Variants in SEPTIN9 observed in about 807,000 individuals in gnomAD.
The protein encoded by SEPTIN9 is septin 9.
Under a neutral mutation model 56.6 loss-of-function variants are expected in SEPTIN9, and 13 were observed. The observed-to-expected ratio is 0.23, with a 90% CI of 0.15 to 0.37. SEPTIN9 has a LOEUF of 0.37. Ranked by LOEUF, SEPTIN9 falls within the 10% of genes least tolerant of loss-of-function variation. SEPTIN9 has a pLI of 1.00. For synonymous variants in SEPTIN9, 332 were observed against 334.1 expected (o/e 0.99, Z 0.07); for missense variants, 650 against 823.1 (o/e 0.79, Z 2.57).
At chr17:77,468,181 C>T (rs2038831972) in intron 3 of SEPTIN9, among the ~76,000 whole-genome samples, 2 of 152,156 alleles carry the variant, frequency 1.3e-5, no homozygotes, top group Non-Finnish European at 2.9e-5. Context: ...AGGAGAATGG[C>T]GTGAACCCGG....
In SEPTIN9 at chr17:77,402,050, A is replaced by G. The variant is rs762895216; in HGVS notation, c.77-9A>G. 5.6e-6 allele frequency: 9 copies of G among 1,607,176 alleles called. No individual in the cohort carries two copies. In the Admixed American group the frequency reaches 1.5e-4, roughly 27 times the overall value. ...TTCACCAATTGCATCCCCTCTCTTTATTTTTCAGCCTTGAAAAGATCTTTT... is the reference window on the plus strand; with the variant it reads ...TTCACCAATTGCATCCCCTCTCTTTGTTTTTCAGCCTTGAAAAGATCTTTT... On this transcript the variant is annotated splice_polypyrimidine_tract_variant and intron_variant, in intron 2 of 11. Transcript: ENST00000427177. This position sits in a 1 kb window ranked among gnomAD's most constrained non-coding sequence, Gnocchi z 6.6.
chr17:77,473,698 C>A (rs1428992768), intron 3 of SEPTIN9, among the ~76,000 whole-genome samples: 1 of 152,188 alleles, frequency 6.6e-6, no homozygotes, highest in African/African-American at 2.4e-5. Flanking sequence ...AAGACTGCTT[C>A]AAATCTGTCC....
chr17:77,481,986 C>G (rs1216912256), intron 3 of SEPTIN9, 158 bp from the exon 4 acceptor site: 1 of 669,924 alleles, frequency 1.5e-6, no homozygotes, highest in Non-Finnish European at 2.5e-6. Context: ...GGACATCCAC[C>G]CGGGGGAATT....
intron 3 of SEPTIN9, among the ~76,000 whole-genome samples, chr17:77,413,226 T>C (rs895642228): frequency 6.6e-6 from 1 of 152,102 alleles, no homozygotes; most frequent in South Asian, 2.1e-4. Context: ...AGCAGCAACA[T>C]AATAATCTCT....
intron 2 of SEPTIN9, among the ~76,000 whole-genome samples, chr17:77,378,936 G>A (rs1003311100): frequency 2.0e-5 from 3 of 151,966 alleles, no homozygotes; most frequent in Non-Finnish European, 4.4e-5. Flanking sequence ...CTGGATGACC[G>A]GACCATGAGG....
In SEPTIN9 at chr17:77,424,178, A is replaced by G. The variant is rs183579898; in HGVS notation, c.721+21475A>G. On this transcript the variant is annotated intron_variant, in intron 3 of 11. Coordinates refer to ENST00000427177, the MANE Select transcript of SEPTIN9 (RefSeq NM_001113491.2). The stretch of plus-strand genomic sequence containing the variant: ...GCGCTTCATGGGATGTATCTGCACT[A>G]TCGCCGTAGAAAACGGTTCCTGTTA... 2.3e-3 allele frequency among the ~76,000 whole-genome samples: 342 copies of G among 148,410 alleles called. 13 individuals are homozygous for G. The South Asian group carries it at 0.057, about 25-fold the overall frequency.
At position 77,483,065 on chromosome 17, in the gene SEPTIN9, C is replaced by T. The variant is rs118173164; in HGVS notation, c.913+730C>T. The T allele has an allele frequency of 5.4e-3, 864 of 159,172 alleles. 26 individuals carry two copies. The East Asian group carries it at 0.083, about 15-fold the overall frequency. 9.9% of individuals were successfully genotyped at this position (159,172 alleles called of 1,614,324 possible). A position where few individuals can be genotyped will look rare whatever the true frequency, so the allele number is the denominator to read the frequency against. ...TTTGACTCCCAGAACTGTGTTCTGC[C>T]CACTCCACGGGGTCCAGGGAGGGGT... On this transcript the variant is annotated intron_variant, in intron 4 of 11. Transcript: ENST00000427177.
intron 3 of SEPTIN9, chr17:77,470,902 A>G (rs1013975871): frequency 3.3e-5 from 5 of 152,236 alleles, no homozygotes; most frequent in African/African-American, 1.2e-4. Flanking sequence ...GGTGCAGTCC[A>G]GGTAGGCTGC....
At chr17:77,478,797 T>G (rs1249634999) in intron 3 of SEPTIN9, among the ~76,000 whole-genome samples, 1 of 132,360 alleles carries the variant, frequency 7.6e-6, no homozygotes, top group African/African-American at 3.2e-5. Flanking sequence ...AGAGCAAAAC[T>G]CTGTCTAAAA....
chr17:77,414,295 G>T (rs572225632), intron 3 of SEPTIN9, among the ~76,000 whole-genome samples: 43 of 151,822 alleles, frequency 2.8e-4, no homozygotes, highest in African/African-American at 1.0e-3. Flanking sequence ...GGCTGGTCTC[G>T]AACTCCTGAC....
intron 5 of SEPTIN9, 50 bp from the exon 6 acceptor site, chr17:77,488,190 G>A (rs772033331): frequency 3.8e-6 from 6 of 1,572,452 alleles, no homozygotes; most frequent in Non-Finnish European, 5.3e-6. Flanking sequence ...TGGGGTGTCT[G>A]TGAGGGTCTT....
At chr17:77,291,137 G>A (rs1476119750) in intron 1 of SEPTIN9, among the ~76,000 whole-genome samples, 2 of 147,606 alleles carry the variant, frequency 1.4e-5, no homozygotes, top group Non-Finnish European at 3.0e-5. Context: ...CTGGATTAAA[G>A]CAATTCTCCT....
chr17:77,286,159 G>A (rs8080895), intron 1 of SEPTIN9: 13,144 of 152,342 alleles, frequency 0.086, 1,023 homozygotes, highest in African/African-American at 0.21. Flanking sequence ...TGTGTCCTCC[G>A]CCGAGGCCCC....
Position 77,425,927 on chromosome 17 carries a change from C to T in SEPTIN9, c.721+23224C>T, listed in dbSNP as rs1014683917. On this transcript the variant is annotated intron_variant, in intron 3 of 11. Coordinates refer to ENST00000427177, the MANE Select transcript of SEPTIN9 (RefSeq NM_001113491.2). The surrounding 1 kb of genome is among the most constrained non-coding windows in gnomAD (Gnocchi z 4.2). ...AGAGGAGAGGCTGCTGTGCCGGCCC[C>T]GCAGGGCCCTGTGCAGAGGGGAGTG... Among the ~76,000 whole-genome samples the T allele has an allele frequency of 1.3e-5, 2 of 152,214 alleles. No individual in the cohort carries two copies. The highest frequency in any genetic ancestry group is 1.9e-4 in the East Asian group (1 of 5,188).
At chr17:77,373,799 C>G in intron 2 of SEPTIN9, 2 of 573,868 alleles carry the variant, frequency 3.5e-6, no homozygotes, top group Non-Finnish European at 5.4e-6. Flanking sequence ...ACCCTGTGCT[C>G]GTTCTGCGCA....
chr17:77,310,417 G>A lies in SEPTIN9; in HGVS notation c.76+3220G>A, dbSNP rs541689760. Among the ~76,000 whole-genome samples, 1 of 152,336 alleles carries A rather than the reference G, an allele frequency of 6.6e-6. No individual in the cohort carries two copies. The highest frequency in any genetic ancestry group is 2.1e-4 in the South Asian group (1 of 4,824). ...TGGCTGCCCTGCCTGTGCCCACAACGTGACGGCGTGGAGACTTATCCGTGT... is the reference window on the plus strand; with the variant it reads ...TGGCTGCCCTGCCTGTGCCCACAACATGACGGCGTGGAGACTTATCCGTGT... On this transcript the variant is annotated intron_variant, in intron 2 of 11. Transcript: ENST00000427177. The surrounding 1 kb of genome is among the most constrained non-coding windows in gnomAD (Gnocchi z 4.7).
intron 2 of SEPTIN9, among the ~76,000 whole-genome samples, chr17:77,396,074 G>T (rs1318934960): frequency 6.6e-6 from 1 of 152,180 alleles, no homozygotes; most frequent in Non-Finnish European, 1.5e-5. Context: ...TTGGAGTCTG[G>T]CTTTAGGGGA....
chr17:77,373,320 G>A (rs766412833), intron 2 of SEPTIN9: 307 of 1,167,034 alleles, frequency 2.6e-4, no homozygotes, highest in Non-Finnish European at 3.2e-4. Flanking sequence ...AGGGGCCGGC[G>A]CCCGCCTTCC....
At chr17:77,463,041 G>A (rs1054206538) in intron 3 of SEPTIN9, among the ~76,000 whole-genome samples, 2 of 152,122 alleles carry the variant, frequency 1.3e-5, no homozygotes, top group African/African-American at 4.8e-5. Context: ...AGCCCGTGGG[G>A]GTCTCGGCAA....
Sources: gnomAD v4.1 joint callset for allele counts (sites outside exome capture counted in the v4.1 genomes callset) on GRCh38, gnomAD v4.1.1 for gene constraint, Gnocchi (gnomAD v3.1) non-coding constraint, MANE v1.5 for transcripts, NCBI Gene and HGNC (gene_info 2026-07-23, HGNC 2026-07-21) for gene names.